Variants in NBAS observed in about 807,000 individuals in gnomAD.
NBAS encodes NAG/BC035112 fusion.
A neutral mutation model predicts 302.5 loss-of-function variants in NBAS; 219 were observed. The observed-to-expected ratio is 0.72, with a 90% confidence interval of 0.65 to 0.81. The LOEUF (loss-of-function observed/expected upper bound fraction) is 0.81. Ranked by LOEUF, NBAS falls within the 30% of genes least tolerant of loss-of-function variation. The pLI is 0.00. For synonymous variants in NBAS, 1,118 were observed against 1,021.6 expected, an observed-to-expected ratio of 1.09 and a Z score of -1.80; for missense variants, 2,932 against 2,841.6, an observed-to-expected ratio of 1.03 and a Z score of -0.72.
At chr2:15,527,009 G>A (rs1331370974) in intron 9 of NBAS, among the ~76,000 whole-genome samples, 2 of 151,282 alleles carry the variant, frequency 1.3e-5, no homozygotes, top group Non-Finnish European at 2.9e-5. Context: ...AACAAATCAA[G>A]AGAGTGGAGT....
chr2:15,519,547 C>T (rs1008060799), intron 9 of NBAS, among the ~76,000 whole-genome samples: 2 of 152,018 alleles, frequency 1.3e-5, no homozygotes, highest in African/African-American at 4.8e-5. Flanking sequence ...CAGTGATCTT[C>T]GCACCCTCAG....
intron 21 of NBAS, among the ~76,000 whole-genome samples, chr2:15,440,890 G>A (rs1678355710): frequency 6.6e-6 from 1 of 151,926 alleles, no homozygotes; most frequent in South Asian, 2.1e-4. Flanking sequence ...GCGATCAACT[G>A]GAAGAAAGGG....
At chr2:15,461,933 T>A in intron 19 of NBAS, 142 bp from the exon 20 acceptor site, 1 of 616,502 alleles carries the variant, frequency 1.6e-6, no homozygotes, top group Non-Finnish European at 2.9e-6. Flanking sequence ...AATTGTTAAC[T>A]AAAGTACTAC....
intron 48 of NBAS, among the ~76,000 whole-genome samples, chr2:15,215,201 T>C (rs1478023026): frequency 6.6e-6 from 1 of 152,098 alleles, no homozygotes; most frequent in Non-Finnish European, 1.5e-5. Flanking sequence ...ATTTCTGGAA[T>C]GGAAATAAAA....
chr2:14,782,970 G>A, the NBAS span, among the ~76,000 whole-genome samples: 1 of 152,224 alleles, frequency 6.6e-6, no homozygotes, highest in East Asian at 1.9e-4. Flanking sequence ...GTGGAAGGTG[G>A]GAGGAGGGAG....
the NBAS span, among the ~76,000 whole-genome samples, chr2:15,016,847 T>G: frequency 8.6e-5 from 13 of 151,976 alleles, no homozygotes; most frequent in African/African-American, 3.1e-4. Flanking sequence ...GATTTCTTTT[T>G]ATTTTAATTT....
chr2:15,457,689 G>A (rs972988257), intron 21 of NBAS, among the ~76,000 whole-genome samples: 24 of 152,190 alleles, frequency 1.6e-4, no homozygotes, highest in African/African-American at 4.8e-4. Context: ...ATGGTGCGTG[G>A]AAAGTGGAGG....
chr2:14,926,439 G>A, the NBAS span, among the ~76,000 whole-genome samples: 1 of 152,008 alleles, frequency 6.6e-6, no homozygotes, highest in Non-Finnish European at 1.5e-5. Flanking sequence ...TGTTAACCTC[G>A]GCTGTGTCTT....
intron 26 of NBAS, among the ~76,000 whole-genome samples, chr2:15,398,147 G>GTTTTGTTTT (rs1558303544): frequency 5.1e-5 from 2 of 39,534 alleles, no homozygotes; most frequent in Admixed American, 2.6e-4. Context: ...TGTTTTGTTT[G>GTTTTGTTTT]GTTTGGTTTT....
At chr2:14,812,069 T>C in the NBAS span, among the ~76,000 whole-genome samples, 4 of 152,180 alleles carry the variant, frequency 2.6e-5, no homozygotes, top group Admixed American at 1.3e-4. Flanking sequence ...GCTAGGGCAC[T>C]GGGATAGCTA....
chr2:15,193,455 TAAAG>T (rs1355437408), intron 48 of NBAS, among the ~76,000 whole-genome samples: 3 of 152,130 alleles, frequency 2.0e-5, no homozygotes, highest in Non-Finnish European at 2.9e-5. Context: ...TAAAACATGA[TAAAG>T]AAATACTTGG....
intron 26 of NBAS, among the ~76,000 whole-genome samples, chr2:15,398,712 A>C (rs1207321857): frequency 3.3e-5 from 5 of 152,218 alleles, no homozygotes; most frequent in African/African-American, 9.6e-5. Context: ...AATCACTGAG[A>C]GAATATAAAT....
chr2:14,781,232 A>G, the NBAS span, among the ~76,000 whole-genome samples: 4 of 152,224 alleles, frequency 2.6e-5, no homozygotes, highest in African/African-American at 7.2e-5. Context: ...ACAGACATCA[A>G]TAACATTGAA....
the NBAS span, among the ~76,000 whole-genome samples, chr2:14,966,989 A>C: frequency 2.0e-5 from 3 of 152,210 alleles, no homozygotes; most frequent in African/African-American, 4.8e-5. Flanking sequence ...CTATATTTAT[A>C]TACACTAATA....
chr2:15,150,066 C>CAA, the NBAS span, among the ~76,000 whole-genome samples: 1,124 of 64,086 alleles, frequency 0.018, 25 homozygotes, highest in African/African-American at 0.049. Context: ...AACCCTGTCT[C>CAA]AAAAAAAAAA....
chr2:15,229,544 G>A (rs1476812096), intron 47 of NBAS, among the ~76,000 whole-genome samples: 2 of 151,922 alleles, frequency 1.3e-5, no homozygotes, highest in Non-Finnish European at 2.9e-5. Flanking sequence ...CACTTTGGGA[G>A]GCCGACGTGG....
At chr2:14,992,860 A>T in the NBAS span, among the ~76,000 whole-genome samples, 2 of 152,198 alleles carry the variant, frequency 1.3e-5, no homozygotes, top group African/African-American at 4.8e-5. Context: ...ATGGAATTTC[A>T]TGGGGTAAGG....
intron 21 of NBAS, among the ~76,000 whole-genome samples, chr2:15,442,579 C>G (rs921452276): frequency 1.3e-5 from 2 of 151,960 alleles, no homozygotes; most frequent in African/African-American, 4.8e-5. Context: ...ACCTTAACAT[C>G]ACAATTAAAA....
the NBAS span, among the ~76,000 whole-genome samples, chr2:14,825,099 G>C: frequency 6.6e-5 from 10 of 152,206 alleles, no homozygotes; most frequent in Admixed American, 6.5e-5. Flanking sequence ...AAAGATGGGT[G>C]CTTGTCGGGG....
Sources: gnomAD v4.1 joint callset for allele counts (sites outside exome capture counted in the v4.1 genomes callset) on GRCh38, gnomAD v4.1.1 for gene constraint, MANE v1.5 for transcripts, NCBI Gene and HGNC (gene_info 2026-07-23, HGNC 2026-07-21) for gene names.